The following ATP9B variants were observed in gnomAD, a reference collection of about 807,000 sequenced individuals.
ATP9B encodes probable phospholipid-transporting ATPase IIB.
Under a neutral mutation model 146.1 loss-of-function variants are expected in ATP9B, and 110 were observed. The observed-to-expected ratio is 0.75, with a 90% CI of 0.65 to 0.88. The LOEUF is 0.88. ATP9B is among the 40% of genes least tolerant of loss of function. The pLI is 0.00. For missense variants in ATP9B, 1,499 were observed against 1,496.4 expected, an observed-to-expected ratio of 1.00 and a Z score of -0.03; for synonymous variants, 604 against 569.7, an observed-to-expected ratio of 1.06 and a Z score of -0.86.
intron 11 of ATP9B, among the ~76,000 whole-genome samples, chr18:79,241,646 T>G (rs1019440466): frequency 6.6e-6 from 1 of 152,254 alleles, no homozygotes; most frequent in African/African-American, 2.4e-5. Flanking sequence ...TCCTTGAGTT[T>G]AGGGCAACCT....
chr18:79,314,533 T>C (rs2096669109), intron 15 of ATP9B, among the ~76,000 whole-genome samples: 1 of 152,214 alleles, frequency 6.6e-6, no homozygotes. Flanking sequence ...GTGTGGTATG[T>C]GTGGTGATAC....
At chr18:79,177,260 G>T (rs974743381) in intron 8 of ATP9B, among the ~76,000 whole-genome samples, 1 of 151,884 alleles carries the variant, frequency 6.6e-6, no homozygotes, top group Non-Finnish European at 1.5e-5. Context: ...TTAAGTGATA[G>T]GTTGTCACTC....
intron 12 of ATP9B, among the ~76,000 whole-genome samples, chr18:79,259,735 G>GC (rs1489450451): frequency 6.6e-6 from 1 of 152,228 alleles, no homozygotes; most frequent in Non-Finnish European, 1.5e-5. Flanking sequence ...GGCAGCACAG[G>GC]CACAGCAGTC....
chr18:79,202,940 C>T (rs2095501870), intron 9 of ATP9B, among the ~76,000 whole-genome samples: 1 of 152,104 alleles, frequency 6.6e-6, no homozygotes, highest in South Asian at 2.1e-4. Context: ...TTTTTTAATG[C>T]CCTTATTCTC....
At chr18:79,119,080 A>C (rs575245937) in intron 4 of ATP9B, among the ~76,000 whole-genome samples, 1 of 150,318 alleles carries the variant, frequency 6.7e-6, no homozygotes, top group East Asian at 1.9e-4. Context: ...TAAAAAAAAA[A>C]AAAAAAAAAT....
chr18:79,091,553 G>A (rs1007274358), intron 1 of ATP9B, among the ~76,000 whole-genome samples: 2 of 152,036 alleles, frequency 1.3e-5, no homozygotes, highest in Non-Finnish European at 2.9e-5. Flanking sequence ...TTGTAAATGG[G>A]ATTACTTTTA....
In ATP9B at chr18:79,172,890, C is replaced by G. The variant is rs371125817; in HGVS notation, c.779-3923C>G. On this transcript the variant is annotated intron_variant, in intron 7 of 29. Coordinates refer to ENST00000426216, the MANE Select transcript of ATP9B (RefSeq NM_198531.5). The stretch of plus-strand genomic sequence containing the variant: ...GACATAAGTTTTTATTTCTCCAGAT[C>G]GATGTCCAGGAGTGAGGTTGCTGAT... 2.8e-4 allele frequency among the ~76,000 whole-genome samples: 43 copies of G among 152,260 alleles called. 2 individuals carry two copies. The South Asian group carries it at 8.9e-3, about 32-fold the overall frequency.
intron 2 of ATP9B, 33 bp from the exon 3 acceptor site, chr18:79,110,322 A>C (rs532982027): frequency 6.7e-7 from 1 of 1,503,678 alleles, no homozygotes. Flanking sequence ...AAGCAAAAAA[A>C]AATACACAAT....
At chr18:79,077,949 A>G (rs892139608) in intron 1 of ATP9B, 2 of 152,164 alleles carry the variant, frequency 1.3e-5, no homozygotes, top group Non-Finnish European at 2.9e-5. Flanking sequence ...AGCCGGTTCG[A>G]TCTTTAAACT....
At chr18:79,299,042 A>G (rs1284589382) in intron 13 of ATP9B, among the ~76,000 whole-genome samples, 4 of 152,112 alleles carry the variant, frequency 2.6e-5, no homozygotes, top group African/African-American at 9.7e-5. Context: ...GATTTCATGC[A>G]TTTGCCTCTT....
chr18:79,266,571 A>G (rs1379371365), intron 12 of ATP9B, among the ~76,000 whole-genome samples: 1 of 152,148 alleles, frequency 6.6e-6, no homozygotes, highest in African/African-American at 2.4e-5. Context: ...TCATTTAAGT[A>G]TGCTATAAGT....
intron 11 of ATP9B, among the ~76,000 whole-genome samples, chr18:79,237,692 G>T (rs117605991): frequency 0.16 from 20,725 of 128,886 alleles, 1,664 homozygotes; most frequent in Admixed American, 0.2. Flanking sequence ...TTTTTTTTGG[G>T]GGGGGGTGGG....
chr18:79,095,535 G>A (rs2074713146), intron 1 of ATP9B: 1 of 152,102 alleles, frequency 6.6e-6, no homozygotes, highest in African/African-American at 2.4e-5. Flanking sequence ...CCTTATTTAT[G>A]TTTTAATAGT....
chr18:79,158,260 G>GTTTTTA (rs1175959320), intron 7 of ATP9B, among the ~76,000 whole-genome samples: 1 of 151,816 alleles, frequency 6.6e-6, no homozygotes. Flanking sequence ...TTTATTTTTA[G>GTTTTTA]TTTTTATTTT....
intron 18 of ATP9B, among the ~76,000 whole-genome samples, chr18:79,336,994 A>G (rs2096830737): frequency 8.5e-6 from 1 of 117,744 alleles, no homozygotes; most frequent in African/African-American, 3.0e-5. Flanking sequence ...AGCTGAGTAC[A>G]CATAGAGTAT....
At chr18:79,095,113 A>G (rs767569131) in intron 1 of ATP9B, among the ~76,000 whole-genome samples, 2 of 152,172 alleles carry the variant, frequency 1.3e-5, no homozygotes, top group Non-Finnish European at 2.9e-5. Flanking sequence ...AATGTGCTAT[A>G]ATTGCCTGCT....
intron 25 of ATP9B, among the ~76,000 whole-genome samples, chr18:79,356,779 G>T (rs754576229): frequency 1.3e-5 from 2 of 152,192 alleles, no homozygotes; most frequent in African/African-American, 2.4e-5. Flanking sequence ...CAGAGCAGCC[G>T]CAGGAGGGAC....
At chr18:79,115,414 A>G (rs1599659016) in intron 4 of ATP9B, 1 of 139,186 alleles carries the variant, frequency 7.2e-6, no homozygotes, top group East Asian at 2.0e-4. Context: ...GAATTGGAAA[A>G]AACTACTTTA....
chr18:79,229,664 G>A (rs942828456), intron 11 of ATP9B, among the ~76,000 whole-genome samples: 9 of 152,152 alleles, frequency 5.9e-5, no homozygotes, highest in African/African-American at 1.7e-4. Context: ...TTACTGCTGC[G>A]TGTTTCTAGA....
Sources: allele counts gnomAD v4.1 joint callset (sites outside exome capture counted in the v4.1 genomes callset), GRCh38; gene constraint gnomAD v4.1.1; transcripts MANE v1.5; gene names NCBI Gene and HGNC (gene_info 2026-07-23, HGNC 2026-07-21).